KIF26B: variants seen among roughly 807,000 people sequenced by gnomAD.
KIF26B encodes the protein kinesin-like protein KIF26B.
A neutral mutation model predicts 151.2 loss-of-function variants in KIF26B; 63 were observed. The ratio of observed to expected loss-of-function variants is 0.42; its 90% CI spans 0.34 to 0.51. The LOEUF (loss-of-function observed/expected upper bound fraction) is 0.51. Among genes scored for constraint, KIF26B ranks in the 20% least tolerant of loss-of-function variants. The probability of loss-of-function intolerance (pLI) is 0.07; values close to 1 mark genes in which losing one functional copy is unlikely to be tolerated. For missense variants in KIF26B, 2,813 were observed against 2,913.6 expected (o/e 0.97, Z 0.79); for synonymous variants, 1,357 against 1,262.1 (o/e 1.08, Z -1.59).
chr1:245,510,443 G>A (rs1450546158), intron 4 of KIF26B, among the ~76,000 whole-genome samples: 1 of 152,166 alleles, frequency 6.6e-6, no homozygotes, highest in African/African-American at 2.4e-5. Flanking sequence ...GTACAGGGAT[G>A]TACAATTAAA....
intron 9 of KIF26B, among the ~76,000 whole-genome samples, chr1:245,645,266 T>C (rs749877341): frequency 2.6e-5 from 4 of 152,200 alleles, no homozygotes; most frequent in East Asian, 1.9e-4. Flanking sequence ...ATCTCCAACA[T>C]TGAGGATCAC....
At position 245,167,764 on chromosome 1, in the gene KIF26B, G is replaced by A. The variant is rs77873150; in HGVS notation, c.465+11081G>A. Among the ~76,000 whole-genome samples, 100 of 152,238 alleles carry A rather than the reference G, an allele frequency of 6.6e-4. 1 individual carries two copies. Among genetic ancestry groups the A allele is most frequent in the African/African-American group, 1.9e-3 (79 of 41,524 alleles). On this transcript the variant is annotated intron_variant, in intron 2 of 14. Coordinates refer to ENST00000407071, the MANE Select transcript of KIF26B (RefSeq NM_018012.4). This position sits in a 1 kb window ranked among gnomAD's most constrained non-coding sequence, Gnocchi z 4.2. Reference sequence around the variant, plus strand: ...CAGAGTGTCTTCCCCATGGTACCATGGCTGGGAATTAGAGCATCAGGTGTC... The same window carrying A: ...CAGAGTGTCTTCCCCATGGTACCATAGCTGGGAATTAGAGCATCAGGTGTC...
chr1:245,369,958 G>T (rs1013627354), intron 3 of KIF26B, among the ~76,000 whole-genome samples: 5 of 152,234 alleles, frequency 3.3e-5, no homozygotes, highest in Non-Finnish European at 5.9e-5. Flanking sequence ...GGCAGGAACA[G>T]AGAAGGGCTT....
At chr1:245,287,256 A>C (rs1405562295) in intron 2 of KIF26B, among the ~76,000 whole-genome samples, 1 of 151,670 alleles carries the variant, frequency 6.6e-6, no homozygotes. Context: ...CATTTTTATT[A>C]AACTTTTTTT....
chr1:245,483,405 C>G (rs1172606539), intron 4 of KIF26B, among the ~76,000 whole-genome samples: 1 of 151,792 alleles, frequency 6.6e-6, no homozygotes, highest in African/African-American at 2.4e-5. Context: ...TCTGCCTGAC[C>G]CCAGAGCTCC....
intron 5 of KIF26B, among the ~76,000 whole-genome samples, chr1:245,595,378 G>A (rs1427985897): frequency 6.6e-6 from 1 of 152,134 alleles, no homozygotes; most frequent in African/African-American, 2.4e-5. Flanking sequence ...ATGAAGGGGT[G>A]TTGAATTTTG....
At chr1:245,194,228 A>G (rs1400307306) in intron 2 of KIF26B, among the ~76,000 whole-genome samples, 1 of 152,082 alleles carries the variant, frequency 6.6e-6, no homozygotes, top group Non-Finnish European at 1.5e-5. Flanking sequence ...ACAGTTTTAA[A>G]ATTTGCCCCT....
intron 5 of KIF26B, among the ~76,000 whole-genome samples, chr1:245,568,677 G>A (rs2043035883): frequency 6.6e-6 from 1 of 152,136 alleles, no homozygotes; most frequent in Admixed American, 6.5e-5. Context: ...GTCTCATGGG[G>A]GTACCTTAAG....
chr1:245,454,213 C>G (rs1401171812), intron 4 of KIF26B, among the ~76,000 whole-genome samples: 1 of 152,192 alleles, frequency 6.6e-6, no homozygotes, highest in Admixed American at 6.5e-5. Flanking sequence ...CTTATCTTTC[C>G]CTTTTGTCAT....
intron 5 of KIF26B, among the ~76,000 whole-genome samples, chr1:245,541,208 G>A (rs55899314): frequency 0.19 from 29,462 of 152,114 alleles, 3,528 homozygotes; most frequent in Non-Finnish European, 0.25. Flanking sequence ...TGACAGAATC[G>A]TAGCCATTTA....
chr1:245,337,192 G>T (rs1201421147), intron 2 of KIF26B, among the ~76,000 whole-genome samples: 2 of 150,992 alleles, frequency 1.3e-5, no homozygotes, highest in Non-Finnish European at 3.0e-5. Flanking sequence ...ATTTATTTTT[G>T]AGAAAGTCTT....
In KIF26B at chr1:245,563,790, C is replaced by A. The variant is rs560360099; in HGVS notation, c.1350+22840C>A. ...AACGCAATTACCGCTGCGTTACCAG[C>A]AATCCCAAGAGGACCCCAGACCCTC... On this transcript the variant is annotated intron_variant, in intron 5 of 14. Coordinates refer to ENST00000407071, the MANE Select transcript of KIF26B (RefSeq NM_018012.4). The surrounding 1 kb of genome is among the most constrained non-coding windows in gnomAD (Gnocchi z 4.6). Among the ~76,000 whole-genome samples the A allele has an allele frequency of 3.9e-5, 6 of 152,168 alleles. No individual in the cohort carries two copies. Among genetic ancestry groups the A allele is most frequent in the Non-Finnish European group, 8.8e-5 (6 of 68,030 alleles).
At chr1:245,176,223 T>C (rs1668806971) in intron 2 of KIF26B, among the ~76,000 whole-genome samples, 1 of 152,110 alleles carries the variant, frequency 6.6e-6, no homozygotes, top group African/African-American at 2.4e-5. Context: ...GGTCTTGAAC[T>C]TCTGATCTCA....
rs115634788 is a variant in KIF26B at position 245,295,331 on chromosome 1, A to C, written c.466-71503A>C. On this transcript the variant is annotated intron_variant, in intron 2 of 14. Transcript: ENST00000407071. The stretch of plus-strand genomic sequence containing the variant: ...ATTTTTCACAAAATGGAACCGGTTG[A>C]CTGCTTGACTCAACTAGTCATTTGT... Among the ~76,000 whole-genome samples the C allele has an allele frequency of 7.1e-3, 1,079 of 152,282 alleles. 6 individuals carry two copies. Among genetic ancestry groups the C allele is most frequent in the Non-Finnish European group, 0.012 (796 of 68,022 alleles).
chr1:245,639,783 CTTG>C lies in KIF26B; in HGVS notation c.2099-6335_2099-6333del, dbSNP rs2043869512. 4.0e-5 allele frequency among the ~76,000 whole-genome samples: 6 copies of C among 151,270 alleles called. No individual in the cohort carries two copies. In the South Asian group the frequency reaches 1.2e-3, roughly 31 times the overall value. On this transcript the variant is annotated intron_variant, in intron 9 of 14. Coordinates refer to ENST00000407071, the MANE Select transcript of KIF26B (RefSeq NM_018012.4). ...TATATTTGAATAGTTTCCAACATTTCTTGTTATTTATAGTTTTATTCTGTTGTG... is the reference window on the plus strand; with the variant it reads ...TATATTTGAATAGTTTCCAACATTTCTTATTTATAGTTTTATTCTGTTGTG...
intron 4 of KIF26B, among the ~76,000 whole-genome samples, chr1:245,492,583 AG>A (rs1660430856): frequency 1.3e-5 from 2 of 152,222 alleles, no homozygotes; most frequent in South Asian, 4.1e-4. Context: ...AGACTAAATA[AG>A]GCTACCATGG....
At chr1:245,544,885 G>C (rs767311172) in intron 5 of KIF26B, among the ~76,000 whole-genome samples, 1 of 152,154 alleles carries the variant, frequency 6.6e-6, no homozygotes, top group Non-Finnish European at 1.5e-5. Flanking sequence ...ACTCCCTGCT[G>C]TTTCCAGCAA....
In KIF26B at chr1:245,597,468, CTTGT is replaced by C. The variant is rs2043346267; in HGVS notation, c.1351-5108_1351-5105del. 6.6e-6 allele frequency among the ~76,000 whole-genome samples: 1 copy of C among 152,136 alleles called. No homozygotes were observed. Among genetic ancestry groups the C allele is most frequent in the Non-Finnish European group, 1.5e-5 (1 of 68,008 alleles). On this transcript the variant is annotated intron_variant, in intron 5 of 14. Transcript: ENST00000407071. This position sits in a 1 kb window ranked among gnomAD's most constrained non-coding sequence, Gnocchi z 4.6. ...ACTATTGGCCCCCACCCTCTTCTGG[CTTGT>C]AGGGTTTCTGCAGAGAGATCTGCTG...
intron 3 of KIF26B, among the ~76,000 whole-genome samples, chr1:245,394,684 C>CTTTTTTTTTTTTTTTT (rs1444711983): frequency 8.0e-6 from 1 of 124,400 alleles, no homozygotes; most frequent in Non-Finnish European, 1.5e-5. Context: ...AAGTTTTTTT[C>CTTTTTTTTTTTTTTTT]TTTCTTTTTT....
Sources: gnomAD v4.1 joint callset for allele counts (sites outside exome capture counted in the v4.1 genomes callset) on GRCh38, gnomAD v4.1.1 for gene constraint, Gnocchi (gnomAD v3.1) non-coding constraint, MANE v1.5 for transcripts, NCBI Gene and HGNC (gene_info 2026-07-23, HGNC 2026-07-21) for gene names.